COL6A3: variants seen among roughly 807,000 people sequenced by gnomAD.
The protein encoded by COL6A3 is collagen type VI alpha 3 chain.
Under a neutral mutation model 274.1 loss-of-function variants are expected in COL6A3, and 137 were observed. The ratio of observed to expected loss-of-function variants is 0.50; its 90% confidence interval spans 0.44 to 0.58. The LOEUF is 0.58. COL6A3 is among the 20% of genes least tolerant of loss of function. The pLI, the probability that COL6A3 is intolerant of heterozygous loss-of-function variation, is 0.00. For missense variants in COL6A3, 3,950 were observed against 4,124.9 expected (o/e 0.96, Z 1.16); for synonymous variants, 1,650 against 1,650.6 (o/e 1.00, Z 0.01).
At position 237,342,142 on chromosome 2, in the gene COL6A3, C is replaced by G. The variant is rs2077000649; in HGVS notation, c.7688G>C (p.Gly2563Ala). ...NALQINNTAV[G>A]HALVLPAGRD... Reference sequence around the variant, plus strand: ...CCCTGCAGGCAGGACAAGCGCATGCCCCACTGCTGTGTTATTGATCTGGTT... The same window carrying G: ...CCCTGCAGGCAGGACAAGCGCATGCGCCACTGCTGTGTTATTGATCTGGTT... The change falls in exon 37 of 44, where the codon GGG becomes GCG. Residue 2563 changes from glycine to alanine, a missense_variant. Gly to Ala is a moderately conservative substitution (Grantham distance 60, BLOSUM62 0). Transcript: ENST00000295550. 1.2e-6 allele frequency: 2 copies of G among 1,614,146 alleles called. No individual in the cohort carries two copies.
rs376725775 is a variant in COL6A3, at chr2:237,372,230, C to T, written c.3787G>A (p.Asp1263Asn). Residue 1263 changes from aspartate (D) to asparagine (N), a missense_variant, in exon 9 of 44, where the codon GAC (aspartate) becomes AAC (asparagine). This residue lies in a region of COL6A3 where 1,934 missense variants were observed against 1,984.3 expected (regional missense o/e 0.97). Transcript: ENST00000295550. ...ACCCGGGTGGTGTCAAAGCCCACGTCCAGGTAGTCAACCAGCCTCTCTATG... is the reference window on the plus strand; with the variant it reads ...ACCCGGGTGGTGTCAAAGCCCACGTTCAGGTAGTCAACCAGCCTCTCTATG... ...TLIERLVDYL[D>N]VGFDTTRVAV... 8 of 1,613,972 alleles carry T rather than the reference C, an allele frequency of 5.0e-6. No homozygotes were observed. The highest frequency in any genetic ancestry group is 6.8e-6 in the Non-Finnish European group (8 of 1,180,044).
intron 12 of COL6A3, among the ~76,000 whole-genome samples, chr2:237,365,385 C>G (rs929337425): frequency 6.6e-6 from 1 of 152,034 alleles, no homozygotes; most frequent in East Asian, 1.9e-4. Flanking sequence ...CATGCATGCA[C>G]ACATACACAC....
rs778090575 is a variant in COL6A3 at position 237,351,168 on chromosome 2, G to C, written c.6778C>G (p.Pro2260Ala). The C allele has an allele frequency of 6.2e-7, 1 of 1,614,208 alleles. No homozygotes were observed. Among genetic ancestry groups the C allele is most frequent in the Non-Finnish European group, 8.5e-7 (1 of 1,180,032 alleles). The change falls in exon 27 of 44, where the codon CCT (proline) becomes GCT (alanine). Residue 2260 changes from proline (P) to alanine (A), a missense_variant. Transcript: ENST00000295550. The part of the protein sequence containing the change: ...PRGSGGAAGA[P>A]GERGRTGPLG... ...GGACCGGTTCTGCCTCGTTCTCCAG[G>C]AGCACCAGCGGCACCTCCGCTTCCC... is the stretch of plus-strand genomic sequence containing the variant.
rs897517604 is a variant in COL6A3 at position 237,375,112 on chromosome 2, G to A, written c.3071-92C>T. ...GGCTGCATAAGAGCATCACAGGGATGTCCAAGTCCAAATCCCCGAACTTGA... is the reference window on the plus strand; with the variant it reads ...GGCTGCATAAGAGCATCACAGGGATATCCAAGTCCAAATCCCCGAACTTGA... On this transcript the variant is annotated intron_variant, in intron 7 of 43. Transcript: ENST00000295550. 28 of 1,566,722 alleles carry A rather than the reference G, an allele frequency of 1.8e-5. No individual in the cohort carries two copies. In the African/African-American group the frequency reaches 2.7e-4, roughly 15 times the overall value.
chr2:237,366,111 G>T, intron 11 of COL6A3, 76 bp from the exon 12 acceptor site: 1 of 1,319,098 alleles, frequency 7.6e-7, no homozygotes, highest in Non-Finnish European at 1.1e-6. Context: ...CAGCAGTAGG[G>T]ACAACCCAGG....
intron 26 of COL6A3, among the ~76,000 whole-genome samples, chr2:237,351,828 A>T (rs2077213227): frequency 6.6e-6 from 1 of 152,242 alleles, no homozygotes; most frequent in South Asian, 2.1e-4. Context: ...CTAGAGAAGG[A>T]CTTTCTAAGC....
Position 237,360,125 on chromosome 2 carries a change from T to G in COL6A3, c.6245A>C (p.Gln2082Pro). 6.2e-7 allele frequency: 1 copy of G among 1,614,002 alleles called. No homozygotes were observed. The highest frequency in any genetic ancestry group is 8.5e-7 in the Non-Finnish European group (1 of 1,180,002). The change falls in exon 17 of 44, where the codon CAA becomes CCA. Residue 2082 changes from glutamine (Q) to proline (P), a missense_variant. Transcript: ENST00000295550. ...ERGPPGVNGTQGFQGCPGQRG... is the reference protein window; with the variant it reads ...ERGPPGVNGTPGFQGCPGQRG... The stretch of plus-strand genomic sequence containing the variant: ...CTGGCCCGGGCAGCCCTGGAAACCT[T>G]GAGTGCCGTTCACACCAGGCGGACC...
chr2:237,361,613 A>C lies in COL6A3; in HGVS notation c.6156+126T>G. The stretch of plus-strand genomic sequence containing the variant: ...GCCCCTCAGAGCTCCTCCTTCTAAC[A>C]TAAGAAATGGTCTCTCGTCTCCTCC... On this transcript the variant is annotated intron_variant, in intron 15 of 43. Coordinates refer to ENST00000295550, the MANE Select transcript of COL6A3 (RefSeq NM_004369.4). This position sits in a 1 kb window ranked among gnomAD's most constrained non-coding sequence, Gnocchi z 5.1. 1 of 937,800 alleles carries C rather than the reference A, an allele frequency of 1.1e-6. No individual in the cohort carries two copies. The highest frequency in any genetic ancestry group is 1.8e-6 in the Non-Finnish European group (1 of 569,624). The allele number at this position is 937,800 out of a possible 1,614,324, so 58.1% of individuals were successfully genotyped here. A position where few individuals can be genotyped will look rare whatever the true frequency, so the allele number is the denominator to read the frequency against.
In COL6A3 at chr2:237,336,127, T is replaced by A; in HGVS notation, c.8965+8A>T. 1 of 1,613,376 alleles carries A rather than the reference T, an allele frequency of 6.2e-7. No individual in the cohort carries two copies. The highest frequency in any genetic ancestry group is 1.1e-5 in the South Asian group (1 of 91,070). On this transcript the variant is annotated splice_region_variant and intron_variant, in intron 40 of 43. Transcript: ENST00000295550. Reference sequence around the variant, plus strand: ...ACAAGATGGCAGCCCTAGCAAGGGCTTTCTTACCCATGGGCTTAGTGGTGG... The same window carrying A: ...ACAAGATGGCAGCCCTAGCAAGGGCATTCTTACCCATGGGCTTAGTGGTGG...
At position 237,361,133 on chromosome 2, in the gene COL6A3, A is replaced by G. The variant is rs766175267; in HGVS notation, c.6198T>C (p.Asp2066=). 1 of 1,614,138 alleles carries G rather than the reference A, an allele frequency of 6.2e-7. No individual in the cohort carries two copies. The highest frequency in any genetic ancestry group is 2.2e-5 in the East Asian group (1 of 44,872). ...GEDGYRGYPG[D]EGGPGERGPP... ...AATTTTTACTTACGGGTCCACCCTCATCACCAGGATAGCCTCGGTAGCCGT... is the reference window on the plus strand; with the variant it reads ...AATTTTTACTTACGGGTCCACCCTCGTCACCAGGATAGCCTCGGTAGCCGT... Residue 2066 remains aspartate, a synonymous_variant, in exon 16 of 44, where the codon GAT becomes GAC. Coordinates refer to ENST00000295550, the MANE Select transcript of COL6A3 (RefSeq NM_004369.4). This position sits in a 1 kb window ranked among gnomAD's most constrained non-coding sequence, Gnocchi z 5.1.
At chr2:237,372,504 A>G (rs1337955591) in intron 8 of COL6A3, among the ~76,000 whole-genome samples, 167 bp from the exon 9 acceptor site, 1 of 152,222 alleles carries the variant, frequency 6.6e-6, no homozygotes, top group Non-Finnish European at 1.5e-5. Flanking sequence ...GTGTTTACAC[A>G]TCAAAGAGAA....
chr2:237,331,533 C>T (rs766627624), intron 42 of COL6A3, among the ~76,000 whole-genome samples: 4 of 152,050 alleles, frequency 2.6e-5, no homozygotes, highest in Non-Finnish European at 4.4e-5. Context: ...GTTGCCATTA[C>T]TGTCAGTGGC....
rs1217418546 is a variant in COL6A3, at chr2:237,324,741, C to G, written c.*33G>C. 1.9e-6 allele frequency: 3 copies of G among 1,612,010 alleles called. No homozygotes were observed. The African/African-American group carries it at 4.0e-5, about 22-fold the overall frequency. ...AGTTGGCGATGGCTGACTCCTTCTT[C>G]TTCAAGAGGTATATGATGTTGGCCA... On this transcript the variant is annotated 3_prime_UTR_variant, in exon 44 of 44. Coordinates refer to ENST00000295550, the MANE Select transcript of COL6A3 (RefSeq NM_004369.4).
At chr2:237,382,015 T>C (rs2078019159) in intron 4 of COL6A3, among the ~76,000 whole-genome samples, 1 of 152,210 alleles carries the variant, frequency 6.6e-6, no homozygotes, top group Admixed American at 6.5e-5. Context: ...ACGAAAGAAT[T>C]ACTTAACATA....
intron 42 of COL6A3, chr2:237,327,561 C>G (rs1269990551): frequency 1.3e-5 from 2 of 152,202 alleles, no homozygotes; most frequent in East Asian, 3.9e-4. Flanking sequence ...CTACTGAGAC[C>G]CTGTAAGATT....
chr2:237,335,593 A>C (rs1205201424), intron 40 of COL6A3, among the ~76,000 whole-genome samples: 1 of 152,308 alleles, frequency 6.6e-6, no homozygotes, highest in East Asian at 1.9e-4. Flanking sequence ...TGCTGGACTG[A>C]ACACCCAGTA....
chr2:237,344,759 C>A lies in COL6A3; in HGVS notation c.7259G>T (p.Arg2420Leu). Residue 2420 changes from arginine (R) to leucine (L), a missense_variant, in exon 36 of 44, where the codon CGG (arginine) becomes CTG (leucine). Arg to Leu is a moderately radical substitution (Grantham distance 102). Transcript: ENST00000295550. This position sits in a 1 kb window ranked among gnomAD's most constrained non-coding sequence, Gnocchi z 4.8. ...SEGVNQDTFG[R>L]MRDVVLSIVN... Reference sequence around the variant, plus strand: ...AATACTCAAGACCACATCTCGCATCCGGCCGAAAGTGTCTTGGTTGACTCC... The same window carrying A: ...AATACTCAAGACCACATCTCGCATCAGGCCGAAAGTGTCTTGGTTGACTCC... 6.2e-7 allele frequency: 1 copy of A among 1,601,008 alleles called. No homozygotes were observed. Among genetic ancestry groups the A allele is most frequent in the Non-Finnish European group, 8.5e-7 (1 of 1,174,108 alleles).
chr2:237,361,141 G>C lies in COL6A3; in HGVS notation c.6190C>G (p.Pro2064Ala). The C allele has an allele frequency of 6.2e-7, 1 of 1,614,114 alleles. No homozygotes were observed. The highest frequency in any genetic ancestry group is 8.5e-7 in the Non-Finnish European group (1 of 1,179,996). The change falls in exon 16 of 44, where the codon CCT becomes GCT. Residue 2064 changes from proline to alanine, a missense_variant. Pro to Ala is a conservative substitution (Grantham distance 27). Around this residue, in one of 5 missense-constraint regions of COL6A3, gnomAD observed 92 missense variants for 143.4 expected, o/e 0.64. Coordinates refer to ENST00000295550, the MANE Select transcript of COL6A3 (RefSeq NM_004369.4). The surrounding 1 kb of genome is among the most constrained non-coding windows in gnomAD (Gnocchi z 5.1). ...CTTACGGGTCCACCCTCATCACCAG[G>C]ATAGCCTCGGTAGCCGTCTTCTCCA... is the stretch of plus-strand genomic sequence containing the variant. ...IPGEDGYRGY[P>A]GDEGGPGERG... is the part of the protein sequence containing the mutation.
chr2:237,387,742 G>T lies in COL6A3; in HGVS notation c.1152C>A (p.Ala384=), dbSNP rs1207676038. Residue 384 remains alanine (A), a synonymous_variant, in exon 4 of 44, where the codon GCC becomes GCA. Transcript: ENST00000295550. ...CTATGTGCTGAAGCTCTGCCCTGGA[G>T]GCGGCCTGGGCTCCAAGGCCGAATG... ...VFSFGLGAQA[A]SRAELQHIAT... 9.9e-6 allele frequency: 16 copies of T among 1,613,946 alleles called. No homozygotes were observed. Among genetic ancestry groups the T allele is most frequent in the Non-Finnish European group, 1.4e-5 (16 of 1,179,986 alleles).
Sources: allele counts gnomAD v4.1 joint callset (sites outside exome capture counted in the v4.1 genomes callset), GRCh38; gene constraint gnomAD v4.1.1; regional missense constraint gnomAD v4.1.1; non-coding constraint Gnocchi (gnomAD v3.1); transcripts MANE v1.5; gene names NCBI Gene and HGNC (gene_info 2026-07-23, HGNC 2026-07-21).